ZNF462: variants seen among roughly 807,000 people sequenced by gnomAD.
ZNF462 encodes the protein zinc finger PBX1-interacting protein.
A neutral mutation model predicts 201.9 loss-of-function variants in ZNF462; 10 were observed. The observed-to-expected ratio is 0.05, with a 90% CI of 0.03 to 0.08. The LOEUF is 0.08. Ranked by LOEUF, ZNF462 falls within the 10% of genes least tolerant of loss-of-function variation. The pLI is 1.00. For synonymous variants in ZNF462, 1,227 were observed against 1,193.3 expected (o/e 1.03, Z -0.58); for missense variants, 2,523 against 3,168.3 (o/e 0.80, Z 4.89).
intron 11 of ZNF462, among the ~76,000 whole-genome samples, chr9:107,004,373 A>G (rs565174740): frequency 5.3e-4 from 81 of 152,298 alleles, no homozygotes; most frequent in African/African-American, 1.9e-3. Context: ...TCTCATGACT[A>G]GAGAGGACTG....
intron 7 of ZNF462, among the ~76,000 whole-genome samples, chr9:106,956,972 A>T (rs187520769): frequency 1.3e-5 from 2 of 152,208 alleles, no homozygotes; most frequent in East Asian, 1.9e-4. Context: ...AGCAATAAGG[A>T]TGTTTTGTTT....
At position 106,926,569 on chromosome 9, in the gene ZNF462, A is replaced by T; in HGVS notation, c.2657A>T (p.Tyr886Phe). Reference protein sequence around the residue: ...ILDPNDHSAVYRCLECYIDYT... With the variant: ...ILDPNDHSAVFRCLECYIDYT... ...GACCCCAATGATCACAGTGCAGTGTACAGGTGCCTGGAATGCTACATCGAT... is the reference window on the plus strand; with the variant it reads ...GACCCCAATGATCACAGTGCAGTGTTCAGGTGCCTGGAATGCTACATCGAT... The change falls in exon 3 of 13, where the codon TAC (tyrosine) becomes TTC (phenylalanine). Residue 886 changes from tyrosine to phenylalanine, a missense_variant. Coordinates refer to ENST00000277225, the MANE Select transcript of ZNF462 (RefSeq NM_021224.6). The surrounding 1 kb of genome is among the most constrained non-coding windows in gnomAD (Gnocchi z 7.9). The T allele has an allele frequency of 6.2e-7, 1 of 1,614,158 alleles. No individual in the cohort carries two copies. The highest frequency in any genetic ancestry group is 8.5e-7 in the Non-Finnish European group (1 of 1,180,028).
intron 7 of ZNF462, among the ~76,000 whole-genome samples, chr9:106,960,018 A>G (rs1022554776): frequency 6.6e-6 from 1 of 152,058 alleles, no homozygotes; most frequent in African/African-American, 2.4e-5. Context: ...GTGAAAATAA[A>G]AGAAAAAAAG....
chr9:106,927,546 T>C lies in ZNF462; in HGVS notation c.3634T>C (p.Tyr1212His). ...GACGGTCAAAGGGGTACTCATTCAT[T>C]ATCAGAAGAAGCACCGAGACTTCAA... ...NRTVKGVLIH[Y>H]QKKHRDFKAN... The change falls in exon 3 of 13, where the codon TAT (tyrosine) becomes CAT (histidine). Residue 1212 changes from tyrosine to histidine, a missense_variant. Physicochemically the swap from Tyr to His is moderately conservative, Grantham distance 83. This residue lies in a region of ZNF462 where 222 missense variants were observed against 271.6 expected (regional missense o/e 0.82). Coordinates refer to ENST00000277225, the MANE Select transcript of ZNF462 (RefSeq NM_021224.6). The C allele has an allele frequency of 6.2e-7, 1 of 1,614,006 alleles. No homozygotes were observed. Among genetic ancestry groups the C allele is most frequent in the South Asian group, 1.1e-5 (1 of 91,060 alleles).
At chr9:106,989,907 G>A (rs946483319) in intron 10 of ZNF462, among the ~76,000 whole-genome samples, 3 of 152,140 alleles carry the variant, frequency 2.0e-5, no homozygotes, top group Non-Finnish European at 4.4e-5. Flanking sequence ...ATTTCTTAAT[G>A]AGGTTATTTG....
At chr9:106,864,068 C>CTCTG (rs1564062401) in intron 1 of ZNF462, among the ~76,000 whole-genome samples, 59 of 119,714 alleles carry the variant, frequency 4.9e-4, no homozygotes, top group Non-Finnish European at 7.6e-4. Flanking sequence ...CTCTCTCTCT[C>CTCTG]TCTCTCTCTC....
chr9:106,935,437 A>G lies in ZNF462; in HGVS notation c.6117-66A>G. The G allele has an allele frequency of 6.9e-7, 1 of 1,439,906 alleles. No homozygotes were observed. Among genetic ancestry groups the G allele is most frequent in the Admixed American group, 1.7e-5 (1 of 58,876 alleles). 89.2% of individuals were successfully genotyped at this position (1,439,906 alleles called of 1,614,324 possible). ...AAGTAGGATTCCTGGAAAAAAAGCA[A>G]TGAGCAAATCCTCTATGCAATTTTT... On this transcript the variant is annotated intron_variant, in intron 5 of 12. Coordinates refer to ENST00000277225, the MANE Select transcript of ZNF462 (RefSeq NM_021224.6). The surrounding 1 kb of genome is among the most constrained non-coding windows in gnomAD (Gnocchi z 4.1).
intron 9 of ZNF462, among the ~76,000 whole-genome samples, chr9:106,980,738 T>C (rs1273255915): frequency 2.6e-5 from 4 of 152,216 alleles, no homozygotes; most frequent in Non-Finnish European, 5.9e-5. Flanking sequence ...CATCTTGTAG[T>C]TGAACTGGTG....
intron 10 of ZNF462, among the ~76,000 whole-genome samples, chr9:107,001,068 T>G (rs1212276918): frequency 6.6e-6 from 1 of 152,172 alleles, no homozygotes; most frequent in African/African-American, 2.4e-5. Context: ...TCATGTCCTT[T>G]ACACGTATTT....
chr9:106,990,697 T>C (rs1828202025), intron 10 of ZNF462, among the ~76,000 whole-genome samples: 3 of 152,070 alleles, frequency 2.0e-5, no homozygotes, highest in African/African-American at 7.2e-5. Context: ...TGCGACTTCC[T>C]GCATGCCTAA....
At position 106,916,804 on chromosome 9, in the gene ZNF462, G is replaced by A. The variant is rs79148464; in HGVS notation, c.-30-6550G>A. Among the ~76,000 whole-genome samples the A allele has an allele frequency of 3.3e-4, 51 of 152,254 alleles. No individual in the cohort carries two copies. In the East Asian group the frequency reaches 9.1e-3, roughly 27 times the overall value. ...TTGAGAATTTCATTGAGGGGGAGTCGTCTTCATTTTGTTTTGTTTTGTTTC... is the reference window on the plus strand; with the variant it reads ...TTGAGAATTTCATTGAGGGGGAGTCATCTTCATTTTGTTTTGTTTTGTTTC... On this transcript the variant is annotated intron_variant, in intron 1 of 12. Transcript: ENST00000277225.
intron 1 of ZNF462, among the ~76,000 whole-genome samples, chr9:106,898,295 G>A (rs1427334595): frequency 6.6e-6 from 1 of 152,114 alleles, no homozygotes; most frequent in Admixed American, 6.5e-5. Context: ...GGATGGTGCT[G>A]TGTGAAAATG....
In ZNF462 at chr9:106,925,728, A is replaced by G. The variant is rs1374964353; in HGVS notation, c.1816A>G (p.Asn606Asp). The change falls in exon 3 of 13, where the codon AAT (asparagine) becomes GAT (aspartate). Residue 606 changes from asparagine to aspartate, a missense_variant. By Grantham distance (23) the Asn-to-Asp change is conservative (BLOSUM62 1). This residue lies in a region of ZNF462 where 383 missense variants were observed against 453.4 expected (regional missense o/e 0.84). Transcript: ENST00000277225. This position sits in a 1 kb window ranked among gnomAD's most constrained non-coding sequence, Gnocchi z 7.9. ...PLHPYKCTMC[N>D]YSTTTLKGLR... ...GCACCCATACAAATGCACCATGTGT[A>G]ATTACTCCACCACAACTCTGAAAGG... 6.8e-6 allele frequency: 11 copies of G among 1,614,078 alleles called. No homozygotes were observed. The Admixed American group carries it at 1.0e-4, about 15-fold the overall frequency.
Position 106,993,088 on chromosome 9 carries a change from G to A in ZNF462, c.7056+8679G>A, listed in dbSNP as rs60354530. Among the ~76,000 whole-genome samples the A allele has an allele frequency of 0.11, 16,180 of 152,162 alleles. 2,222 individuals carry two copies. The highest frequency in any genetic ancestry group is 0.32 in the African/African-American group (13,195 of 41,498). The stretch of plus-strand genomic sequence containing the variant: ...CTACAAATAGCATTAGGTGATTTGT[G>A]TGGTGGGGAGAATCTACAGAATAAA... On this transcript the variant is annotated intron_variant, in intron 10 of 12. Coordinates refer to ENST00000277225, the MANE Select transcript of ZNF462 (RefSeq NM_021224.6). The surrounding 1 kb of genome is among the most constrained non-coding windows in gnomAD (Gnocchi z 4.0).
At chr9:106,940,311 C>T (rs571844282) in intron 7 of ZNF462, among the ~76,000 whole-genome samples, 1 of 152,286 alleles carries the variant, frequency 6.6e-6, no homozygotes, top group Admixed American at 6.5e-5. Context: ...CCTTTGGTTG[C>T]AATTCTGGCC....
chr9:106,967,677 T>C (rs1832140636), intron 7 of ZNF462, among the ~76,000 whole-genome samples: 1 of 152,090 alleles, frequency 6.6e-6, no homozygotes, highest in Admixed American at 6.6e-5. Flanking sequence ...CAAACCCCAC[T>C]TGAGGAATGT....
intron 7 of ZNF462, among the ~76,000 whole-genome samples, chr9:106,965,584 A>C (rs1832037113): frequency 6.6e-6 from 1 of 151,468 alleles, no homozygotes; most frequent in Non-Finnish European, 1.5e-5. Flanking sequence ...TGAACCTTTG[A>C]AGGAAGAATC....
intron 7 of ZNF462, among the ~76,000 whole-genome samples, chr9:106,964,822 A>G (rs1355508352): frequency 6.6e-6 from 1 of 152,106 alleles, no homozygotes; most frequent in Non-Finnish European, 1.5e-5. Flanking sequence ...GGTACAAAAA[A>G]GTTTTAGGAG....
Position 106,938,889 on chromosome 9 carries a change from C to T in ZNF462, c.6236-27C>T, listed in dbSNP as rs1233358031. ...ACCCTTCTCCCCTCTTTTTCCTGTT[C>T]TATTTCTTGTCACCATCCTCTTCCA... On this transcript the variant is annotated intron_variant, in intron 6 of 12. Coordinates refer to ENST00000277225, the MANE Select transcript of ZNF462 (RefSeq NM_021224.6). This position sits in a 1 kb window ranked among gnomAD's most constrained non-coding sequence, Gnocchi z 4.4. The T allele has an allele frequency of 7.0e-6, 11 of 1,574,296 alleles. No homozygotes were observed. The Admixed American group carries it at 7.2e-5, about 10-fold the overall frequency.
Sources: gnomAD v4.1 joint callset for allele counts (sites outside exome capture counted in the v4.1 genomes callset) on GRCh38, gnomAD v4.1.1 for gene constraint, gnomAD v4.1.1 regional missense constraint, Gnocchi (gnomAD v3.1) non-coding constraint, MANE v1.5 for transcripts, NCBI Gene and HGNC (gene_info 2026-07-23, HGNC 2026-07-21) for gene names.